The following P3H2 variants were observed in gnomAD, a reference collection of about 807,000 sequenced individuals.
The protein encoded by P3H2 is prolyl 3-hydroxylase 2, also known as leprecan-like 1.
P3H2 carries 80 observed loss-of-function variants against 87.0 expected under a neutral mutation model. The observed-to-expected ratio is 0.92, with a 90% CI of 0.77 to 1.11. The LOEUF (loss-of-function observed/expected upper bound fraction) is 1.11, where lower values mean the gene tolerates loss of function less well. Among genes scored for constraint, P3H2 ranks in the 50% least tolerant of loss-of-function variants. P3H2 has a pLI of 0.00. For synonymous variants in P3H2, 367 were observed against 359.3 expected, an observed-to-expected ratio of 1.02 and a Z score of -0.24; for missense variants, 1,001 against 923.9, an observed-to-expected ratio of 1.08 and a Z score of -1.08.
intron 1 of P3H2, among the ~76,000 whole-genome samples, chr3:190,042,709 T>G (rs532805719): frequency 6.6e-6 from 1 of 152,336 alleles, no homozygotes; most frequent in African/African-American, 2.4e-5. Flanking sequence ...TGGTTCCTAT[T>G]TTACATTGGC....
chr3:190,089,838 C>T (rs1727351810), intron 1 of P3H2, among the ~76,000 whole-genome samples: 1 of 152,186 alleles, frequency 6.6e-6, no homozygotes, highest in African/African-American at 2.4e-5. Flanking sequence ...CACAAGGCTA[C>T]CACCGTGGTG....
At chr3:190,112,028 G>A (rs1046912378) in intron 1 of P3H2, among the ~76,000 whole-genome samples, 2 of 152,118 alleles carry the variant, frequency 1.3e-5, no homozygotes, top group African/African-American at 4.8e-5. Flanking sequence ...TCCTATAACT[G>A]GTATTATGGT....
intron 1 of P3H2, among the ~76,000 whole-genome samples, chr3:190,004,827 C>T (rs79546438): frequency 0.021 from 3,118 of 152,080 alleles, 114 homozygotes; most frequent in African/African-American, 0.071. Flanking sequence ...GGGGGAAAAA[C>T]GTTGTCTTTC....
intron 1 of P3H2, among the ~76,000 whole-genome samples, chr3:190,060,133 T>C (rs974483378): frequency 1.3e-5 from 2 of 152,130 alleles, no homozygotes; most frequent in African/African-American, 4.8e-5. Flanking sequence ...AACAAATAGC[T>C]GAAAGTGTTT....
At chr3:190,052,200 C>T (rs1050759929) in intron 1 of P3H2, among the ~76,000 whole-genome samples, 1 of 152,020 alleles carries the variant, frequency 6.6e-6, no homozygotes, top group South Asian at 2.1e-4. Context: ...TTCTAAGTCC[C>T]GCATGCATTA....
In P3H2 at chr3:189,957,677, C is replaced by T. The variant is rs112531393; in HGVS notation, c.*235G>A. Reference sequence around the variant, plus strand: ...AGCCACTGCCCTATATCCTAGACAACATGGTTAGACCATGTCTCTAAGAAG... The same window carrying T: ...AGCCACTGCCCTATATCCTAGACAATATGGTTAGACCATGTCTCTAAGAAG... On this transcript the variant is annotated 3_prime_UTR_variant, in exon 15 of 15. Coordinates refer to ENST00000319332, the MANE Select transcript of P3H2 (RefSeq NM_018192.4). The T allele has an allele frequency of 4.3e-5, 24 of 553,232 alleles. No homozygotes were observed. Among genetic ancestry groups the T allele is most frequent in the African/African-American group, 2.3e-4 (12 of 51,794 alleles). The allele number at this position is 553,232 out of a possible 1,614,324, so 34.3% of individuals were successfully genotyped here. A position where few individuals can be genotyped will look rare whatever the true frequency, so the allele number is the denominator to read the frequency against.
chr3:190,006,085 A>G (rs1022246666), intron 1 of P3H2, among the ~76,000 whole-genome samples: 2 of 152,240 alleles, frequency 1.3e-5, no homozygotes, highest in African/African-American at 4.8e-5. Flanking sequence ...CCAAGAGACT[A>G]TATTAGAAAG....
chr3:190,097,385 T>C (rs1577322383), intron 1 of P3H2, among the ~76,000 whole-genome samples: 1 of 152,158 alleles, frequency 6.6e-6, no homozygotes, highest in Non-Finnish European at 1.5e-5. Context: ...TGGTTCCTCA[T>C]ATATAGTTCA....
intron 1 of P3H2, among the ~76,000 whole-genome samples, chr3:190,093,578 G>T (rs1226711174): frequency 1.3e-5 from 2 of 152,186 alleles, no homozygotes; most frequent in Non-Finnish European, 2.9e-5. Context: ...AAAAAGGAAG[G>T]ATCGTGATGA....
intron 6 of P3H2, 56 bp from the exon 7 acceptor site, chr3:189,984,646 T>G: frequency 8.3e-7 from 1 of 1,203,410 alleles, no homozygotes; most frequent in Non-Finnish European, 1.2e-6. Context: ...AAAACATCAC[T>G]TACAGAATTA....
intron 1 of P3H2, among the ~76,000 whole-genome samples, chr3:190,058,383 G>T (rs538344468): frequency 6.6e-6 from 1 of 152,228 alleles, no homozygotes; most frequent in African/African-American, 2.4e-5. Context: ...AGGAATAAAA[G>T]TATTTATTCC....
intron 1 of P3H2, among the ~76,000 whole-genome samples, chr3:190,092,885 T>C (rs1237100968): frequency 6.6e-6 from 1 of 152,148 alleles, no homozygotes; most frequent in African/African-American, 2.4e-5. Context: ...CACCCAGGCT[T>C]TAAATCTCCG....
At position 190,019,652 on chromosome 3, in the gene P3H2, C is replaced by T. The variant is rs1235224401; in HGVS notation, c.481-24210G>A. On this transcript the variant is annotated intron_variant, in intron 1 of 14. Coordinates refer to ENST00000319332, the MANE Select transcript of P3H2 (RefSeq NM_018192.4). ...TTTCATTTTTGAAACTTCAGCAAGCCACTCCATTGCCCCCCTCCTGTCAAA... is the reference window on the plus strand; with the variant it reads ...TTTCATTTTTGAAACTTCAGCAAGCTACTCCATTGCCCCCCTCCTGTCAAA... Among the ~76,000 whole-genome samples the T allele has an allele frequency of 2.4e-5, 2 of 83,114 alleles. 1 individual carries two copies. The highest frequency in any genetic ancestry group is 7.0e-5 in the African/African-American group (2 of 28,772). The allele number at this position is 83,114 out of a possible 152,430, so 54.5% of individuals were successfully genotyped here. A position where few individuals can be genotyped will look rare whatever the true frequency, so the allele number is the denominator to read the frequency against.
intron 6 of P3H2, among the ~76,000 whole-genome samples, chr3:189,985,593 T>C (rs1577254887): frequency 6.7e-6 from 1 of 148,934 alleles, no homozygotes; most frequent in Non-Finnish European, 1.5e-5. Context: ...TTAGTAATCA[T>C]ATATAATTAT....
intron 10 of P3H2, among the ~76,000 whole-genome samples, chr3:189,973,507 C>CTTTTTTTTTTTTTTTTTTTTTTTTTT (rs879286759): frequency 1.3e-5 from 1 of 78,990 alleles, no homozygotes; most frequent in African/African-American, 4.7e-5. Flanking sequence ...TTCTTTCTTT[C>CTTTTTTTTTTTTTTTTTTTTTTTTTT]TTTCTTTTTT....
chr3:189,959,530 C>A (rs182248215), intron 14 of P3H2, among the ~76,000 whole-genome samples: 1 of 151,126 alleles, frequency 6.6e-6, no homozygotes, highest in Non-Finnish European at 1.5e-5. Context: ...TTATTCATAC[C>A]TTTCTCTCTT....
chr3:189,978,453 A>C (rs1723419886), intron 8 of P3H2, among the ~76,000 whole-genome samples: 1 of 152,218 alleles, frequency 6.6e-6, no homozygotes, highest in African/African-American at 2.4e-5. Context: ...AGAGAAGGCT[A>C]CTGGGATATT....
At chr3:190,093,052 G>A (rs1304786441) in intron 1 of P3H2, among the ~76,000 whole-genome samples, 1 of 152,142 alleles carries the variant, frequency 6.6e-6, no homozygotes, top group Non-Finnish European at 1.5e-5. Flanking sequence ...GCTTTCCTTA[G>A]TAGTGTGGGA....
chr3:190,095,761 T>C (rs549224929), intron 1 of P3H2, among the ~76,000 whole-genome samples: 19 of 151,976 alleles, frequency 1.3e-4, no homozygotes, highest in South Asian at 4.2e-4. Context: ...CCACCACGCC[T>C]GGCTAATTAT....
Sources: gnomAD v4.1 joint callset for allele counts (sites outside exome capture counted in the v4.1 genomes callset) on GRCh38, gnomAD v4.1.1 for gene constraint, MANE v1.5 for transcripts, NCBI Gene and HGNC (gene_info 2026-07-23, HGNC 2026-07-21) for gene names.